Variants in MCC observed in about 807,000 individuals in gnomAD.
The protein encoded by MCC is MCC regulator of Wnt signaling pathway.
A neutral mutation model predicts 116.2 loss-of-function variants in MCC; 90 were observed. The observed-to-expected ratio is 0.77, with a 90% confidence interval of 0.65 to 0.92. The LOEUF (loss-of-function observed/expected upper bound fraction) is 0.92, where lower values mean the gene tolerates loss of function less well. Among genes scored for constraint, MCC ranks in the 40% least tolerant of loss-of-function variants. The pLI is 0.00. For synonymous variants in MCC, 578 were observed against 510.5 expected (o/e 1.13, Z -1.78); for missense variants, 1,516 against 1,312.2 (o/e 1.16, Z -2.40).
intron 12 of MCC, 57 bp downstream of exon 12, chr5:113,071,037 T>A: frequency 6.4e-7 from 1 of 1,563,628 alleles, no homozygotes; most frequent in Non-Finnish European, 8.7e-7. Flanking sequence ...ATTCTGAAGG[T>A]TACTCTGGAT....
At chr5:113,085,927 C>T (rs143051976) in intron 8 of MCC, among the ~76,000 whole-genome samples, 8 of 152,282 alleles carry the variant, frequency 5.3e-5, no homozygotes, top group African/African-American at 1.9e-4. Context: ...TGCACTCAAG[C>T]GATTCTCCCA....
At chr5:113,048,879 C>G in intron 16 of MCC, 1 of 594,712 alleles carries the variant, frequency 1.7e-6, no homozygotes. Context: ...AAAGGTTCAA[C>G]TATTACATAA....
chr5:113,155,993 T>C (rs1278298300), intron 3 of MCC, among the ~76,000 whole-genome samples: 1 of 152,206 alleles, frequency 6.6e-6, no homozygotes, highest in Non-Finnish European at 1.5e-5. Flanking sequence ...CACATCCTTT[T>C]TCCTTTCATC....
At chr5:113,325,838 G>C (rs913121012) in intron 3 of MCC, among the ~76,000 whole-genome samples, 1 of 152,092 alleles carries the variant, frequency 6.6e-6, no homozygotes, top group African/African-American at 2.4e-5. Context: ...TAATACAACA[G>C]TTACCTTTCT....
chr5:113,418,969 G>A (rs1455606396), intron 1 of MCC, among the ~76,000 whole-genome samples: 1 of 152,070 alleles, frequency 6.6e-6, no homozygotes, highest in East Asian at 1.9e-4. Flanking sequence ...ACTTGCAGGA[G>A]AACTGAACAA....
chr5:113,131,755 G>A (rs1347288096), intron 5 of MCC, among the ~76,000 whole-genome samples: 2 of 152,236 alleles, frequency 1.3e-5, no homozygotes, highest in African/African-American at 4.8e-5. Flanking sequence ...AAACCCATGT[G>A]AGTGCATTTC....
chr5:113,161,007 TTTTA>T (rs1318858628), intron 3 of MCC, among the ~76,000 whole-genome samples: 1 of 152,188 alleles, frequency 6.6e-6, no homozygotes, highest in East Asian at 1.9e-4. Flanking sequence ...CAGAAGAATA[TTTTA>T]TATATTTTGT....
chr5:113,115,246 CT>C lies in MCC; in HGVS notation c.1027+7437del, dbSNP rs376482574. Among the ~76,000 whole-genome samples the C allele has an allele frequency of 6.0e-4, 91 of 152,322 alleles. 1 individual carries two copies. In the East Asian group the frequency reaches 0.017, roughly 28 times the overall value. On this transcript the variant is annotated intron_variant, in intron 6 of 18. Coordinates refer to ENST00000408903, the MANE Select transcript of MCC (RefSeq NM_001085377.2). ...TGCAGCCTGAGTAAGCGAGGCACCC[CT>C]GTCACGAGGCCTGAGAAGGGGTCAA...
chr5:113,333,817 G>GTATATATGTACATATGTACATATA (rs1561527743), intron 3 of MCC, among the ~76,000 whole-genome samples: 5 of 111,254 alleles, frequency 4.5e-5, no homozygotes, highest in Non-Finnish European at 8.7e-5. Flanking sequence ...ATGTATATAT[G>GTATATATGTACATATGTACATATA]TACATATATG....
intron 5 of MCC, among the ~76,000 whole-genome samples, chr5:113,129,257 G>C (rs1009879730): frequency 6.6e-6 from 1 of 152,108 alleles, no homozygotes; most frequent in Non-Finnish European, 1.5e-5. Flanking sequence ...AAGATCAACT[G>C]TCTGCAGGGT....
chr5:113,271,553 A>G (rs1765619077), intron 3 of MCC, among the ~76,000 whole-genome samples: 1 of 152,208 alleles, frequency 6.6e-6, no homozygotes, highest in Admixed American at 6.5e-5. Context: ...CAGGACTAGC[A>G]TAGTTTTTGC....
chr5:113,130,639 C>T (rs1758367105), intron 5 of MCC, among the ~76,000 whole-genome samples: 1 of 152,000 alleles, frequency 6.6e-6, no homozygotes, highest in Admixed American at 6.5e-5. Flanking sequence ...AGATTATTGC[C>T]CTTCCTTGTG....
chr5:113,333,836 T>TATATACATATATATGTACATATGTAC (rs1767776832), intron 3 of MCC, among the ~76,000 whole-genome samples: 1 of 59,316 alleles, frequency 1.7e-5, no homozygotes, highest in African/African-American at 1.0e-4. Context: ...TGTATATATG[T>TATATACATATATATGTACATATGTAC]ATATATGTAT....
At chr5:113,294,908 G>A (rs892600204) in intron 3 of MCC, 4 of 985,450 alleles carry the variant, frequency 4.1e-6, no homozygotes, top group Non-Finnish European at 4.8e-6. Flanking sequence ...ACTTCACGCC[G>A]AAGTTTCCCC....
At chr5:113,281,096 A>G (rs1273174913) in intron 3 of MCC, among the ~76,000 whole-genome samples, 2 of 152,222 alleles carry the variant, frequency 1.3e-5, no homozygotes, top group Non-Finnish European at 2.9e-5. Flanking sequence ...ATAAAGTATC[A>G]GAGGCTTTAA....
rs1486691885 is a variant in MCC at position 113,026,633 on chromosome 5, A to G, written c.*669T>C. 1.3e-5 allele frequency: 2 copies of G among 152,224 alleles called. No individual in the cohort carries two copies. Among genetic ancestry groups the G allele is most frequent in the Non-Finnish European group, 2.9e-5 (2 of 68,066 alleles). 9.4% of individuals were successfully genotyped at this position (152,224 alleles called of 1,614,324 possible). On this transcript the variant is annotated 3_prime_UTR_variant, in exon 19 of 19. Coordinates refer to ENST00000408903, the MANE Select transcript of MCC (RefSeq NM_001085377.2). ...ATTGAAGGAAGTTTTTATTCTCTCA[A>G]TACAAAATTGTTCAGGCACAGTCCT... is the stretch of plus-strand genomic sequence containing the variant.
At chr5:113,227,527 G>A (rs964626952) in intron 3 of MCC, among the ~76,000 whole-genome samples, 2 of 152,136 alleles carry the variant, frequency 1.3e-5, no homozygotes, top group Non-Finnish European at 2.9e-5. Flanking sequence ...CTATCCTATA[G>A]CTGTGGTGCT....
At chr5:113,029,875 G>A (rs3857433) in intron 17 of MCC, among the ~76,000 whole-genome samples, 112,125 of 152,126 alleles carry the variant, frequency 0.74, 41,346 homozygotes, top group East Asian at 0.79. Flanking sequence ...ACCGTATTAC[G>A]TGCTGGAGCC....
Position 113,242,446 on chromosome 5 carries a change from C to T in MCC, c.628-91024G>A, listed in dbSNP as rs563239691. Among the ~76,000 whole-genome samples, 5 of 151,630 alleles carry T rather than the reference C, an allele frequency of 3.3e-5. No individual in the cohort carries two copies. In the East Asian group the frequency reaches 9.7e-4, roughly 29 times the overall value. On this transcript the variant is annotated intron_variant, in intron 3 of 18. Transcript: ENST00000408903. ...CTGAAGAGATTCAGATAATAAAGGA[C>T]AAAATTAACTGGAAAAAAAATTAAG...
Sources: allele counts gnomAD v4.1 joint callset (sites outside exome capture counted in the v4.1 genomes callset), GRCh38; gene constraint gnomAD v4.1.1; transcripts MANE v1.5; gene names NCBI Gene and HGNC (gene_info 2026-07-23, HGNC 2026-07-21).